AKAP7: variants seen among roughly 807,000 people sequenced by gnomAD.
AKAP7 encodes the protein A-kinase anchoring protein 7, also known as A kinase (PRKA) anchor protein 7.
Under a neutral mutation model 39.5 loss-of-function variants are expected in AKAP7, and 39 were observed. The observed-to-expected ratio is 0.99, with a 90% CI of 0.76 to 1.29. AKAP7 has a LOEUF of 1.29. Ranked by LOEUF, AKAP7 falls within the 50% of genes most tolerant of loss-of-function variation. AKAP7 has a pLI of 0.00. For synonymous variants in AKAP7, 140 were observed against 139.1 expected, an observed-to-expected ratio of 1.01 and a Z score of -0.05; for missense variants, 414 against 407.7, an observed-to-expected ratio of 1.02 and a Z score of -0.13.
At chr6:131,241,451 A>G (rs12196504) in intron 7 of AKAP7, among the ~76,000 whole-genome samples, 15,838 of 152,046 alleles carry the variant, frequency 0.1, 1,095 homozygotes, top group Admixed American at 0.19. Context: ...TTGGTGGTAC[A>G]GGATAAAAGA....
At chr6:131,166,723 C>G (rs1288460954) in intron 4 of AKAP7, among the ~76,000 whole-genome samples, 1 of 152,160 alleles carries the variant, frequency 6.6e-6, no homozygotes, top group South Asian at 2.1e-4. Flanking sequence ...TGTGACCTCA[C>G]TTTGGGGCAG....
intron 1 of AKAP7, among the ~76,000 whole-genome samples, chr6:131,143,357 A>G (rs1020345252): frequency 2.6e-5 from 4 of 152,166 alleles, no homozygotes; most frequent in Admixed American, 6.5e-5. Context: ...CCCTCCCTGC[A>G]GTAATGAGTT....
Position 131,165,051 on chromosome 6 carries a change from T to A in AKAP7, c.292-30T>A, listed in dbSNP as rs1250261098. On this transcript the variant is annotated intron_variant, in intron 3 of 7. Transcript: ENST00000431975. ...AATTTTGCTTACCTAATCACTGGAA[T>A]TTTTTTTATATGTGTGTATGTGTTA... The A allele has an allele frequency of 4.0e-6, 6 of 1,489,218 alleles. No homozygotes were observed. The Admixed American group carries it at 1.4e-4, about 36-fold the overall frequency. 92.3% of individuals were successfully genotyped at this position (1,489,218 alleles called of 1,614,324 possible). A position where few individuals can be genotyped will look rare whatever the true frequency, so the allele number is the denominator to read the frequency against.
chr6:131,226,224 C>T (rs996739906), intron 7 of AKAP7, among the ~76,000 whole-genome samples: 6 of 152,244 alleles, frequency 3.9e-5, no homozygotes, highest in African/African-American at 1.4e-4. Context: ...GTACCTCCTG[C>T]CAGCTGTTGC....
chr6:131,179,428 C>T (rs1226585462), intron 5 of AKAP7, among the ~76,000 whole-genome samples: 1 of 152,168 alleles, frequency 6.6e-6, no homozygotes, highest in African/African-American at 2.4e-5. Context: ...CCTGCCTGGG[C>T]CTCCCAAAGT....
chr6:131,246,170 G>C (rs929698450), intron 7 of AKAP7, among the ~76,000 whole-genome samples: 1 of 151,312 alleles, frequency 6.6e-6, no homozygotes, highest in African/African-American at 2.4e-5. Context: ...AGAGCTTTTG[G>C]TCATAGTTAA....
At chr6:131,174,009 T>C (rs975677600) in intron 5 of AKAP7, among the ~76,000 whole-genome samples, 38 of 152,304 alleles carry the variant, frequency 2.5e-4, no homozygotes, top group African/African-American at 8.7e-4. Context: ...AAGATGTTGG[T>C]TTGTTGTTAC....
intron 7 of AKAP7, among the ~76,000 whole-genome samples, chr6:131,241,625 G>GTATATATA (rs1372694997): frequency 2.6e-4 from 17 of 65,298 alleles, no homozygotes; most frequent in African/African-American, 5.1e-4. Flanking sequence ...GTGTGTGTGT[G>GTATATATA]TGTATATATA....
chr6:131,258,109 A>C (rs1257912254), intron 7 of AKAP7, among the ~76,000 whole-genome samples: 1 of 152,180 alleles, frequency 6.6e-6, no homozygotes, highest in African/African-American at 2.4e-5. Context: ...TTCATGTTCC[A>C]TTTTAGTTGC....
intron 5 of AKAP7, chr6:131,185,614 G>A (rs1032849752): frequency 6.3e-5 from 10 of 159,850 alleles, no homozygotes; most frequent in Admixed American, 2.6e-4. Context: ...GCTTTTTGCC[G>A]TTTGTGTTTC....
chr6:131,192,625 C>A (rs563511921), intron 5 of AKAP7, among the ~76,000 whole-genome samples: 1 of 151,978 alleles, frequency 6.6e-6, no homozygotes, highest in Non-Finnish European at 1.5e-5. Context: ...TGAAGAATGT[C>A]GTTGGAATTT....
At chr6:131,239,239 A>T (rs1276754473) in intron 7 of AKAP7, among the ~76,000 whole-genome samples, 6 of 152,144 alleles carry the variant, frequency 3.9e-5, no homozygotes, top group African/African-American at 7.2e-5. Flanking sequence ...ATTGGCCCCC[A>T]CTCTCTTCTG....
intron 7 of AKAP7, among the ~76,000 whole-genome samples, chr6:131,220,831 G>A (rs1044595536): frequency 6.6e-6 from 1 of 151,924 alleles, no homozygotes. Flanking sequence ...TGTTATTATC[G>A]TTATTGTTTT....
intron 5 of AKAP7, among the ~76,000 whole-genome samples, chr6:131,182,979 G>T (rs1805424453): frequency 6.6e-6 from 1 of 151,840 alleles, no homozygotes; most frequent in Non-Finnish European, 1.5e-5. Context: ...ATTTAATTTT[G>T]GGGGAAAAAA....
At chr6:131,146,508 C>T (rs1479388032) in intron 2 of AKAP7, among the ~76,000 whole-genome samples, 2 of 151,976 alleles carry the variant, frequency 1.3e-5, no homozygotes. Context: ...CAACACTGTC[C>T]ATGATATTTG....
chr6:131,274,013 C>T (rs1814533623), intron 7 of AKAP7, among the ~76,000 whole-genome samples: 2 of 150,314 alleles, frequency 1.3e-5, no homozygotes, highest in African/African-American at 4.9e-5. Context: ...AATCTCAGCT[C>T]ACCTTTTCTT....
chr6:131,185,149 C>A, intron 5 of AKAP7: 1 of 573,386 alleles, frequency 1.7e-6, no homozygotes, highest in East Asian at 4.1e-5. Flanking sequence ...CTGCTGCTGT[C>A]CTGAGAGATC....
intron 5 of AKAP7, among the ~76,000 whole-genome samples, chr6:131,180,979 T>C (rs1262606153): frequency 6.6e-6 from 1 of 151,996 alleles, no homozygotes; most frequent in African/African-American, 2.4e-5. Context: ...TGAAATGGAG[T>C]CTCACTCTGT....
intron 2 of AKAP7, among the ~76,000 whole-genome samples, chr6:131,155,399 G>A (rs1292337056): frequency 6.6e-6 from 1 of 152,164 alleles, no homozygotes; most frequent in Non-Finnish European, 1.5e-5. Context: ...CTTTAAGATT[G>A]ATCAGTGGCT....
Sources: gnomAD v4.1 joint callset for allele counts (sites outside exome capture counted in the v4.1 genomes callset) on GRCh38, gnomAD v4.1.1 for gene constraint, MANE v1.5 for transcripts, NCBI Gene and HGNC (gene_info 2026-07-23, HGNC 2026-07-21) for gene names.